SOS1: variants seen among roughly 807,000 people sequenced by gnomAD.
The protein encoded by SOS1 is SOS Ras/Rac guanine nucleotide exchange factor 1, also known as son of sevenless homolog 1.
SOS1 carries 25 observed loss-of-function variants against 157.6 expected under a neutral mutation model. That is an observed-to-expected ratio of 0.16 (90% confidence interval 0.12 to 0.22). The LOEUF (loss-of-function observed/expected upper bound fraction) is 0.22. Ranked by LOEUF, SOS1 falls within the 10% of genes least tolerant of loss-of-function variation. SOS1 has a pLI of 1.00. For synonymous variants in SOS1, 528 were observed against 534.0 expected (o/e 0.99, Z 0.16); for missense variants, 1,237 against 1,599.1 (o/e 0.77, Z 3.86).
At chr2:39,067,538 T>C (rs763732395) in intron 2 of SOS1, 90 bp downstream of exon 2, 17 of 1,154,428 alleles carry the variant, frequency 1.5e-5, no homozygotes, top group East Asian at 9.4e-5. Context: ...ACCATATATA[T>C]AGAGAGAGCA....
intron 2 of SOS1, among the ~76,000 whole-genome samples, chr2:39,059,055 T>G (rs1671311934): frequency 6.6e-6 from 1 of 152,126 alleles, no homozygotes; most frequent in Non-Finnish European, 1.5e-5. Context: ...TCAACTTCAC[T>G]GTGATAAAGC....
At chr2:39,078,886 C>G (rs925193633) in intron 1 of SOS1, among the ~76,000 whole-genome samples, 1 of 151,840 alleles carries the variant, frequency 6.6e-6, no homozygotes, top group African/African-American at 2.4e-5. Flanking sequence ...ATGGTGAAAC[C>G]CTGTCTCCAC....
upstream of SOS1, chr2:39,124,168 T>C (rs796360895): frequency 5.2e-5 from 8 of 152,424 alleles, no homozygotes; most frequent in African/African-American, 1.9e-4. Context: ...CCTGTATCTC[T>C]TGGGACAAAA....
At chr2:39,077,624 A>G (rs943132378) in intron 1 of SOS1, among the ~76,000 whole-genome samples, 1 of 152,190 alleles carries the variant, frequency 6.6e-6, no homozygotes, top group African/African-American at 2.4e-5. Context: ...AGATACTAAG[A>G]TATTAGTGCA....
intron 17 of SOS1, among the ~76,000 whole-genome samples, chr2:39,000,835 G>C (rs1042608116): frequency 6.6e-6 from 1 of 152,212 alleles, no homozygotes; most frequent in African/African-American, 2.4e-5. Flanking sequence ...TTGAATGAAA[G>C]AAGTATATTG....
At chr2:39,030,722 G>A (rs574842671) in intron 8 of SOS1, among the ~76,000 whole-genome samples, 44 of 152,234 alleles carry the variant, frequency 2.9e-4, no homozygotes, top group African/African-American at 9.4e-4. Context: ...CATGAAAGAT[G>A]TATTCAAGTC....
At chr2:39,081,474 C>T (rs1272472019) in intron 1 of SOS1, among the ~76,000 whole-genome samples, 2 of 145,878 alleles carry the variant, frequency 1.4e-5, no homozygotes, top group Non-Finnish European at 3.0e-5. Context: ...GAGCCGAGAT[C>T]GCGCCACTGC....
Position 39,015,010 on chromosome 2 carries a change from C to T in SOS1, c.1859-164G>A, listed in dbSNP as rs17577431. Among the ~76,000 whole-genome samples, 843 of 152,208 alleles carry T rather than the reference C, an allele frequency of 5.5e-3. 60 individuals are homozygous for T. In the East Asian group the frequency reaches 0.14, roughly 25 times the overall value. ...TGGTAATGCACTGCTAGCTTAGTGC[C>T]TCCTAAATTAGTGGTGATATTAAAA... On this transcript the variant is annotated intron_variant, in intron 10 of 22. Coordinates refer to ENST00000402219, the MANE Select transcript of SOS1 (RefSeq NM_005633.4).
chr2:39,109,897 G>A (rs1449274890), intron 1 of SOS1, among the ~76,000 whole-genome samples: 1 of 152,056 alleles, frequency 6.6e-6, no homozygotes, highest in East Asian at 1.9e-4. Context: ...CTAAAACATA[G>A]CTTTTAAAAG....
At chr2:39,087,757 C>A (rs1359928295) in intron 1 of SOS1, among the ~76,000 whole-genome samples, 1 of 152,138 alleles carries the variant, frequency 6.6e-6, no homozygotes, top group African/African-American at 2.4e-5. Flanking sequence ...CAACCTTTGC[C>A]TCCCCTCTCC....
At chr2:39,035,563 TA>T (rs1670313654) in intron 6 of SOS1, 63 bp from the exon 7 acceptor site, 2 of 1,201,286 alleles carry the variant, frequency 1.7e-6, no homozygotes, top group Non-Finnish European at 2.5e-6. Flanking sequence ...AAGATTTAAT[TA>T]TGGGGCACGA....
Position 39,054,643 on chromosome 2 carries a change from C to T in SOS1, c.691G>A (p.Val231Ile), listed in dbSNP as rs1671141416. ...LIIKVFREPF[V>I]SNSKLFSAND... is the part of the protein sequence containing the mutation. ...GCTGAAAACAATTTTGAATTGGAGA[C>T]AAAGGGCTCTCTAAAAACTTTTATA... The change falls in exon 5 of 23, where the codon GTC becomes ATC. Residue 231 changes from valine to isoleucine, a missense_variant. Transcript: ENST00000402219. The T allele has an allele frequency of 6.3e-7, 1 of 1,581,190 alleles. No homozygotes were observed. The highest frequency in any genetic ancestry group is 8.7e-7 in the Non-Finnish European group (1 of 1,150,506).
intron 1 of SOS1, among the ~76,000 whole-genome samples, chr2:39,108,535 T>C (rs1286098332): frequency 3.3e-5 from 5 of 152,194 alleles, no homozygotes; most frequent in Middle Eastern, 3.2e-3. Context: ...TGGCTAACTC[T>C]CATTTCCATT....
chr2:38,993,668 A>C (rs1668800292), intron 20 of SOS1: 1 of 152,230 alleles, frequency 6.6e-6, no homozygotes, highest in South Asian at 2.1e-4. Flanking sequence ...GCACAGAAAA[A>C]GTATTTTGTC....
At chr2:39,094,871 T>C (rs1672716986) in intron 1 of SOS1, among the ~76,000 whole-genome samples, 1 of 152,176 alleles carries the variant, frequency 6.6e-6, no homozygotes, top group Admixed American at 6.5e-5. Flanking sequence ...ATTGCTACTT[T>C]TCCCTATTCC....
chr2:38,986,754 T>A (rs1246766940), intron 22 of SOS1, among the ~76,000 whole-genome samples: 1 of 152,208 alleles, frequency 6.6e-6, no homozygotes, highest in Non-Finnish European at 1.5e-5. Context: ...ACTTAAATTT[T>A]TTTCCTCAAA....
At chr2:39,050,179 A>C (rs76629645) in intron 6 of SOS1, among the ~76,000 whole-genome samples, 1 of 152,206 alleles carries the variant, frequency 6.6e-6, no homozygotes, top group Non-Finnish European at 1.5e-5. Context: ...TACAAGCTCA[A>C]TGCTGTATCA....
At chr2:39,081,414 G>C (rs376655580) in intron 1 of SOS1, among the ~76,000 whole-genome samples, 2 of 151,934 alleles carry the variant, frequency 1.3e-5, no homozygotes, top group East Asian at 3.9e-4. Context: ...CAGCTTCTGG[G>C]GAGGCTGAGG....
rs534341853 is a variant in SOS1 at position 39,094,487 on chromosome 2, T to TA, written c.87+25848dup. Among the ~76,000 whole-genome samples the TA allele has an allele frequency of 5.0e-3, 761 of 151,822 alleles. 8 individuals carry two copies. The highest frequency in any genetic ancestry group is 0.018 in the African/African-American group (727 of 41,376). ...ATGGTGAAACCCCGTCTCTACTAAA[T>TA]ATACAAAAATTAGCCAGGTGTGGTG... On this transcript the variant is annotated intron_variant, in intron 1 of 22. Coordinates refer to ENST00000402219, the MANE Select transcript of SOS1 (RefSeq NM_005633.4).
Sources: allele counts gnomAD v4.1 joint callset (sites outside exome capture counted in the v4.1 genomes callset), GRCh38; gene constraint gnomAD v4.1.1; transcripts MANE v1.5; gene names NCBI Gene and HGNC (gene_info 2026-07-23, HGNC 2026-07-21).